Variants in CRYM observed in about 807,000 individuals in gnomAD.
CRYM encodes the protein ketimine reductase mu-crystallin.
A neutral mutation model predicts 32.9 loss-of-function variants in CRYM; 18 were observed. The observed-to-expected ratio is 0.55, with a 90% CI of 0.38 to 0.81. CRYM has a LOEUF of 0.81. Ranked by LOEUF, CRYM falls within the 30% of genes least tolerant of loss-of-function variation. CRYM has a pLI of 0.00. For synonymous variants in CRYM, 153 were observed against 152.4 expected, an observed-to-expected ratio of 1.00 and a Z score of -0.03; for missense variants, 337 against 393.5, an observed-to-expected ratio of 0.86 and a Z score of 1.21.
Position 21,277,281 on chromosome 16 carries a change from C to A in CRYM, c.324+150G>T. 1.2e-6 allele frequency: 1 copy of A among 824,408 alleles called. No homozygotes were observed. Among genetic ancestry groups the A allele is most frequent in the Non-Finnish European group, 2.0e-6 (1 of 512,390 alleles). 51.1% of individuals were successfully genotyped at this position (824,408 alleles called of 1,614,324 possible). A position where few individuals can be genotyped will look rare whatever the true frequency, so the allele number is the denominator to read the frequency against. ...AGTCCTAGAAATAGATACATGGACA[C>A]AGATAACCTTCACTGTTGCTGGTAT... On this transcript the variant is annotated intron_variant, in intron 2 of 7. Transcript: ENST00000572914. This position sits in a 1 kb window ranked among gnomAD's most constrained non-coding sequence, Gnocchi z 4.2.
At chr16:21,286,293 C>G (rs1023684984) in intron 1 of CRYM, among the ~76,000 whole-genome samples, 2 of 151,590 alleles carry the variant, frequency 1.3e-5, no homozygotes, top group Non-Finnish European at 2.9e-5. Flanking sequence ...TCTCAGCTCA[C>G]TGGAACCTCC....
At chr16:21,296,455 A>G (rs2152865726) in intron 1 of CRYM, among the ~76,000 whole-genome samples, 1 of 152,340 alleles carries the variant, frequency 6.6e-6, no homozygotes, top group South Asian at 2.1e-4. Context: ...AACAAATACT[A>G]AAACCTATCA....
intron 1 of CRYM, among the ~76,000 whole-genome samples, chr16:21,297,781 T>C (rs1221196722): frequency 6.6e-6 from 1 of 152,190 alleles, no homozygotes; most frequent in East Asian, 1.9e-4. Flanking sequence ...TAGAACATAT[T>C]GGTCCTCTCA....
intron 1 of CRYM, among the ~76,000 whole-genome samples, chr16:21,291,363 C>T (rs1031162822): frequency 2.0e-5 from 3 of 152,222 alleles, no homozygotes; most frequent in Middle Eastern, 6.8e-3. Flanking sequence ...CTCTACAAAT[C>T]TCATCAGAGC....
chr16:21,280,341 C>G (rs888189524), upstream of CRYM, among the ~76,000 whole-genome samples: 9 of 152,182 alleles, frequency 5.9e-5, no homozygotes, highest in Admixed American at 3.3e-4. Context: ...GATTGCACCA[C>G]TGCACTCCAG....
rs1003376715 is a variant in CRYM, at chr16:21,267,498, G to A, written c.673+56C>T. 45 of 1,577,156 alleles carry A rather than the reference G, an allele frequency of 2.9e-5. No homozygotes were observed. The Middle Eastern group carries it at 6.7e-4, about 23-fold the overall frequency. On this transcript the variant is annotated intron_variant, in intron 5 of 7. Transcript: ENST00000572914. ...TCTGCAAATGTAGTCGACTGGTCCCGTCTAGAGAGGAGCCTGGCCACCACC... is the reference window on the plus strand; with the variant it reads ...TCTGCAAATGTAGTCGACTGGTCCCATCTAGAGAGGAGCCTGGCCACCACC...
intron 1 of CRYM, among the ~76,000 whole-genome samples, chr16:21,296,972 G>A (rs780237142): frequency 6.6e-6 from 1 of 152,066 alleles, no homozygotes; most frequent in Admixed American, 6.6e-5. Flanking sequence ...TCGCGCCACC[G>A]ACTCCAGCCT....
rs541528942 is a variant in CRYM, at chr16:21,291,610, T to C, written c.-193+11368A>G. 8.5e-5 allele frequency among the ~76,000 whole-genome samples: 13 copies of C among 152,272 alleles called. No homozygotes were observed. In the South Asian group the frequency reaches 2.1e-3, roughly 24 times the overall value. On this transcript the variant is annotated intron_variant, in intron 1 of 9. Transcript: ENST00000219599. ...TGTGATTAGTATCTATATTGTATTA[T>C]ACATTAATCTCAATAGAGGGGAAAG... is the stretch of plus-strand genomic sequence containing the variant.
Position 21,278,252 on chromosome 16 carries a change from C to G in CRYM, c.-1G>C, listed in dbSNP as rs1201174475. On this transcript the variant is annotated 5_prime_UTR_variant, in exon 1 of 8. Transcript: ENST00000572914. Reference sequence around the variant, plus strand: ...TCAGGAACGCTGGTACCCGGCTCATCTCGCCACCTGTGCCTTCTAACCTCA... The same window carrying G: ...TCAGGAACGCTGGTACCCGGCTCATGTCGCCACCTGTGCCTTCTAACCTCA... 1 of 1,585,398 alleles carries G rather than the reference C, an allele frequency of 6.3e-7. No individual in the cohort carries two copies. Among genetic ancestry groups the G allele is most frequent in the Non-Finnish European group, 8.5e-7 (1 of 1,169,960 alleles).
upstream of CRYM, among the ~76,000 whole-genome samples, chr16:21,281,956 G>T (rs1237277199): frequency 6.6e-6 from 1 of 152,142 alleles, no homozygotes; most frequent in African/African-American, 2.4e-5. Context: ...CAAAGTGCCT[G>T]TCTCTGATCT....
intron 7 of CRYM, 80 bp from the exon 8 acceptor site, chr16:21,258,925 T>C: frequency 8.9e-7 from 1 of 1,122,820 alleles, no homozygotes; most frequent in East Asian, 2.3e-5. Flanking sequence ...GCTGGAAGTT[T>C]CCTGATACAT....
At chr16:21,289,226 A>C (rs1005015366) in intron 1 of CRYM, among the ~76,000 whole-genome samples, 4 of 152,098 alleles carry the variant, frequency 2.6e-5, no homozygotes, top group African/African-American at 9.7e-5. Flanking sequence ...TAAATCTGTC[A>C]GTTTTTGCTT....
chr16:21,273,099 T>G (rs2093379386), intron 3 of CRYM, among the ~76,000 whole-genome samples: 1 of 152,104 alleles, frequency 6.6e-6, no homozygotes, highest in South Asian at 2.1e-4. Flanking sequence ...CACTCAAATA[T>G]TTGTTGAATA....
chr16:21,267,252 C>T (rs1304728757), intron 5 of CRYM, among the ~76,000 whole-genome samples: 2 of 151,968 alleles, frequency 1.3e-5, no homozygotes, highest in African/African-American at 4.8e-5. Flanking sequence ...TGCAAGCCAC[C>T]ATGCCTGGCT....
intron 1 of CRYM, among the ~76,000 whole-genome samples, chr16:21,296,021 A>G (rs1486703219): frequency 6.6e-6 from 1 of 152,250 alleles, no homozygotes; most frequent in Admixed American, 6.5e-5. Context: ...ATCTCACTAA[A>G]ACATGAACAA....
At chr16:21,259,815 T>G (rs2152861011) in intron 7 of CRYM, among the ~76,000 whole-genome samples, 1 of 152,294 alleles carries the variant, frequency 6.6e-6, no homozygotes, top group Non-Finnish European at 1.5e-5. Flanking sequence ...GCACAGATAA[T>G]TAGGTGCTTG....
At chr16:21,286,812 C>T (rs1340202332) in intron 1 of CRYM, among the ~76,000 whole-genome samples, 7 of 151,992 alleles carry the variant, frequency 4.6e-5, no homozygotes, top group Non-Finnish European at 7.4e-5. Flanking sequence ...AATTTTAGGC[C>T]GGGCGCAGTG....
intron 1 of CRYM, among the ~76,000 whole-genome samples, chr16:21,294,575 T>G (rs925014161): frequency 6.6e-6 from 1 of 152,080 alleles, no homozygotes; most frequent in Non-Finnish European, 1.5e-5. Flanking sequence ...ACTGTTCAAC[T>G]CCCACTTATG....
At chr16:21,261,919 AGGAGGTGG>A (rs2093355207) in intron 6 of CRYM, 110 bp downstream of exon 6, 2 of 1,241,810 alleles carry the variant, frequency 1.6e-6, no homozygotes, top group Non-Finnish European at 2.3e-6. Context: ...TTCCCCTACA[AGGAGGTGG>A]GGTGGCTGAG....
Sources: gnomAD v4.1 joint callset for allele counts (sites outside exome capture counted in the v4.1 genomes callset) on GRCh38, gnomAD v4.1.1 for gene constraint, Gnocchi (gnomAD v3.1) non-coding constraint, MANE v1.5 for transcripts, NCBI Gene and HGNC (gene_info 2026-07-23, HGNC 2026-07-21) for gene names.